ZBTB7C: variants seen among roughly 807,000 people sequenced by gnomAD.
ZBTB7C encodes zinc finger and BTB domain-containing protein 7C.
ZBTB7C carries 8 observed loss-of-function variants against 25.7 expected under a neutral mutation model. That is an observed-to-expected ratio of 0.31 (90% CI 0.18 to 0.56). ZBTB7C has a LOEUF of 0.56. Among genes scored for constraint, ZBTB7C ranks in the 20% least tolerant of loss-of-function variants. The pLI, the probability that ZBTB7C is intolerant of heterozygous loss-of-function variation, is 0.91. For synonymous variants in ZBTB7C, 394 were observed against 369.0 expected, an observed-to-expected ratio of 1.07 and a Z score of -0.78; for missense variants, 824 against 855.2, an observed-to-expected ratio of 0.96 and a Z score of 0.46.
chr18:48,194,422 AAAG>A (rs1458133738), intron 2 of ZBTB7C, among the ~76,000 whole-genome samples: 1 of 152,178 alleles, frequency 6.6e-6, no homozygotes, highest in Non-Finnish European at 1.5e-5. Context: ...GAAAGGGGCT[AAAG>A]AAGGACTCCA....
intron 2 of ZBTB7C, among the ~76,000 whole-genome samples, chr18:48,240,737 G>C (rs978663818): frequency 2.0e-5 from 3 of 152,070 alleles, no homozygotes; most frequent in African/African-American, 7.2e-5. Flanking sequence ...CACCAAAATA[G>C]AACCTCCTTA....
intron 2 of ZBTB7C, among the ~76,000 whole-genome samples, chr18:48,325,057 C>T (rs1437632360): frequency 6.6e-6 from 1 of 152,170 alleles, no homozygotes; most frequent in Admixed American, 6.5e-5. Context: ...TTTGGCCACA[C>T]TGAGTTTGAA....
intron 3 of ZBTB7C, among the ~76,000 whole-genome samples, chr18:48,092,670 G>A (rs1046309399): frequency 3.9e-5 from 6 of 152,160 alleles, no homozygotes; most frequent in South Asian, 2.1e-4. Flanking sequence ...GATGGTTTAC[G>A]CCAGAAGAAT....
chr18:48,274,976 G>A (rs1427661714), intron 2 of ZBTB7C, among the ~76,000 whole-genome samples: 4 of 152,118 alleles, frequency 2.6e-5, no homozygotes, highest in East Asian at 1.9e-4. Context: ...GCTAATCACC[G>A]GCCTTTCCTT....
chr18:48,052,046 G>A (rs565517851), intron 3 of ZBTB7C, among the ~76,000 whole-genome samples: 1 of 152,302 alleles, frequency 6.6e-6, no homozygotes, highest in African/African-American at 2.4e-5. Context: ...AACTTCTTGG[G>A]AGGCTTATTA....
chr18:48,059,645 C>G (rs1043727729), intron 3 of ZBTB7C, among the ~76,000 whole-genome samples: 4 of 152,224 alleles, frequency 2.6e-5, no homozygotes, highest in African/African-American at 4.8e-5. Context: ...ACCGGCCCCA[C>G]ACCCTTTTCA....
At chr18:48,354,780 A>G (rs1258393378) in intron 1 of ZBTB7C, among the ~76,000 whole-genome samples, 4 of 152,140 alleles carry the variant, frequency 2.6e-5, no homozygotes, top group Admixed American at 1.3e-4. Flanking sequence ...GCACACTGGT[A>G]TACTTGAGTC....
In ZBTB7C at chr18:48,137,206, A is replaced by G. The variant is rs183294994; in HGVS notation, c.-17+48728T>C. The G allele has an allele frequency of 9.0e-5, 89 of 985,558 alleles. 2 individuals are homozygous for G. The East Asian group carries it at 8.3e-3, about 92-fold the overall frequency. The allele number at this position is 985,558 out of a possible 1,614,324, so 61.1% of individuals were successfully genotyped here. ...AGCACTCCCTCCCCACCCTCCAACCAGAAGTATTTGGCCGGGAGCCCCTTT... is the reference window on the plus strand; with the variant it reads ...AGCACTCCCTCCCCACCCTCCAACCGGAAGTATTTGGCCGGGAGCCCCTTT... On this transcript the variant is annotated intron_variant, in intron 3 of 4. Transcript: ENST00000590800.
At chr18:48,128,247 G>A (rs1273787948) in intron 3 of ZBTB7C, among the ~76,000 whole-genome samples, 5 of 152,148 alleles carry the variant, frequency 3.3e-5, no homozygotes, top group Admixed American at 6.5e-5. Context: ...CCATTTAGCC[G>A]CCTGCCAGGC....
intron 3 of ZBTB7C, among the ~76,000 whole-genome samples, chr18:48,126,827 G>A (rs1382737112): frequency 6.8e-6 from 1 of 147,138 alleles, no homozygotes; most frequent in Non-Finnish European, 1.5e-5. Context: ...CTGGCCTCAG[G>A]AAACAGAGAA....
intron 2 of ZBTB7C, among the ~76,000 whole-genome samples, chr18:48,199,365 C>G (rs947328908): frequency 6.6e-6 from 1 of 152,162 alleles, no homozygotes; most frequent in Admixed American, 6.5e-5. Context: ...AAATCATTGT[C>G]TTCTTTTCCC....
intron 1 of ZBTB7C, among the ~76,000 whole-genome samples, chr18:48,391,987 C>T (rs1294461046): frequency 6.6e-6 from 1 of 152,202 alleles, no homozygotes; most frequent in African/African-American, 2.4e-5. Flanking sequence ...GAGGACTTTG[C>T]TCCTCTGTTT....
chr18:48,046,891 C>G (rs1043425340), intron 3 of ZBTB7C, among the ~76,000 whole-genome samples: 8 of 152,340 alleles, frequency 5.3e-5, no homozygotes, highest in Admixed American at 2.0e-4. Flanking sequence ...GCCAGAAGCG[C>G]AAAGTGGATC....
At chr18:48,093,458 C>T (rs865829504) in intron 3 of ZBTB7C, among the ~76,000 whole-genome samples, 1 of 152,116 alleles carries the variant, frequency 6.6e-6, no homozygotes, top group African/African-American at 2.4e-5. Context: ...ATGAATGACT[C>T]GGAGTGGAAT....
At chr18:48,067,731 G>A (rs1265096539) in intron 3 of ZBTB7C, among the ~76,000 whole-genome samples, 1 of 152,178 alleles carries the variant, frequency 6.6e-6, no homozygotes, top group Admixed American at 6.5e-5. Flanking sequence ...GTTGGGCATG[G>A]TGGCTCATGC....
At chr18:48,113,364 G>C (rs1002291885) in intron 3 of ZBTB7C, among the ~76,000 whole-genome samples, 5 of 152,236 alleles carry the variant, frequency 3.3e-5, no homozygotes, top group African/African-American at 7.2e-5. Flanking sequence ...ATCATGGTTA[G>C]TTACTGGGAA....
chr18:48,309,644 T>TA (rs2144785713), intron 2 of ZBTB7C, among the ~76,000 whole-genome samples: 1 of 152,318 alleles, frequency 6.6e-6, no homozygotes, highest in Admixed American at 6.5e-5. Context: ...ATAGCTATCA[T>TA]AAAAGAGACC....
At chr18:48,239,067 C>G (rs914794519) in intron 2 of ZBTB7C, among the ~76,000 whole-genome samples, 6 of 152,112 alleles carry the variant, frequency 3.9e-5, no homozygotes, top group Non-Finnish European at 8.8e-5. Context: ...CCCCGGTGAC[C>G]TGTATGACAT....
At position 48,027,590 on chromosome 18, in the gene ZBTB7C, A is replaced by AT. The variant is rs1303404208; in HGVS notation, c.*1669dup. The AT allele has an allele frequency of 6.6e-6, 1 of 152,258 alleles. No individual in the cohort carries two copies. Among genetic ancestry groups the AT allele is most frequent in the East Asian group, 1.9e-4 (1 of 5,184 alleles). The allele number at this position is 152,258 out of a possible 1,614,324, so 9.4% of individuals were successfully genotyped here. On this transcript the variant is annotated 3_prime_UTR_variant, in exon 5 of 5. Transcript: ENST00000590800. ...GGAGTGGCATCCGGTGGTGTGAAGA[A>AT]TCAGGGGGTCTCTTCTGGAGAGTTG...
Sources: gnomAD v4.1 joint callset for allele counts (sites outside exome capture counted in the v4.1 genomes callset) on GRCh38, gnomAD v4.1.1 for gene constraint, MANE v1.5 for transcripts, NCBI Gene and HGNC (gene_info 2026-07-23, HGNC 2026-07-21) for gene names.